The following ZCCHC24 variants were observed in gnomAD, a reference collection of about 807,000 sequenced individuals.
ZCCHC24 encodes the protein zinc finger CCHC domain-containing protein 24.
ZCCHC24 carries 10 observed loss-of-function variants against 26.2 expected under a neutral mutation model. The ratio of observed to expected loss-of-function variants is 0.38; its 90% CI spans 0.24 to 0.65. The LOEUF is 0.65. Among genes scored for constraint, ZCCHC24 ranks in the 30% least tolerant of loss-of-function variants. ZCCHC24 has a pLI of 0.54. For missense variants in ZCCHC24, 243 were observed against 329.1 expected, an observed-to-expected ratio of 0.74 and a Z score of 2.03; for synonymous variants, 144 against 147.1, an observed-to-expected ratio of 0.98 and a Z score of 0.15.
At chr10:79,396,692 C>T (rs1160473275) in intron 2 of ZCCHC24, among the ~76,000 whole-genome samples, 1 of 152,150 alleles carries the variant, frequency 6.6e-6, no homozygotes, top group East Asian at 1.9e-4. Context: ...TAACAAGAGC[C>T]CCAGAGAATT....
chr10:79,406,950 G>A (rs147838544), intron 2 of ZCCHC24, among the ~76,000 whole-genome samples: 2 of 152,310 alleles, frequency 1.3e-5, no homozygotes, highest in African/African-American at 4.8e-5. Flanking sequence ...ACACACCCCA[G>A]TCTCACTACC....
chr10:79,410,103 A>T (rs1343788594), intron 2 of ZCCHC24, among the ~76,000 whole-genome samples: 5 of 152,166 alleles, frequency 3.3e-5, no homozygotes, highest in Non-Finnish European at 5.9e-5. Flanking sequence ...GAGCCTCTGC[A>T]CTTGCTGTTC....
intron 2 of ZCCHC24, among the ~76,000 whole-genome samples, chr10:79,411,577 T>G (rs1455201373): frequency 6.6e-6 from 1 of 152,182 alleles, no homozygotes; most frequent in Non-Finnish European, 1.5e-5. Context: ...CAGGGCTCAG[T>G]GTGCCCAGTA....
chr10:79,430,673 TCACACACACACACCACACACACACACA>T (rs1358711110), intron 2 of ZCCHC24, among the ~76,000 whole-genome samples: 2 of 131,126 alleles, frequency 1.5e-5, no homozygotes, highest in African/African-American at 5.4e-5. Flanking sequence ...GCACATACAC[TCACACACACACACCACACACACACACA>T]CACACACACA....
chr10:79,391,151 G>T (rs571040392), intron 3 of ZCCHC24, among the ~76,000 whole-genome samples: 152 of 152,258 alleles, frequency 1.0e-3, no homozygotes, highest in African/African-American at 3.5e-3. Flanking sequence ...CACACAGTAG[G>T]TGCTCAACAG....
chr10:79,426,933 T>C (rs188996154), intron 2 of ZCCHC24, among the ~76,000 whole-genome samples: 1 of 152,140 alleles, frequency 6.6e-6, no homozygotes, highest in Non-Finnish European at 1.5e-5. Flanking sequence ...ATCAACTATA[T>C]GCTATCTACA....
chr10:79,413,132 G>A (rs1856813686), intron 2 of ZCCHC24, among the ~76,000 whole-genome samples: 1 of 152,240 alleles, frequency 6.6e-6, no homozygotes, highest in African/African-American at 2.4e-5. Flanking sequence ...CAGTGCTGAG[G>A]GGACCAGTGG....
At chr10:79,391,713 C>G (rs1473470726) in intron 3 of ZCCHC24, among the ~76,000 whole-genome samples, 1 of 151,938 alleles carries the variant, frequency 6.6e-6, no homozygotes, top group Non-Finnish European at 1.5e-5. Context: ...AAGCTATCCT[C>G]CGGGCCCCCG....
chr10:79,394,955 TTTACAGATGCATATGAC>T (rs1856525829), intron 2 of ZCCHC24, among the ~76,000 whole-genome samples: 1 of 152,244 alleles, frequency 6.6e-6, no homozygotes. Context: ...GGGCCCTGCA[TTTACAGATGCATATGAC>T]ATGCACATTT....
intron 2 of ZCCHC24, among the ~76,000 whole-genome samples, chr10:79,397,188 T>A (rs1362597764): frequency 6.6e-6 from 1 of 152,218 alleles, no homozygotes. Context: ...CACCCTGATC[T>A]CCTGGGCCCA....
chr10:79,440,719 A>G (rs1418414053), intron 1 of ZCCHC24, among the ~76,000 whole-genome samples: 1 of 152,162 alleles, frequency 6.6e-6, no homozygotes, highest in Non-Finnish European at 1.5e-5. Context: ...ACCACCCAAG[A>G]GCAGAGGACT....
intron 1 of ZCCHC24, among the ~76,000 whole-genome samples, chr10:79,434,386 G>T (rs1857186053): frequency 6.6e-6 from 1 of 152,216 alleles, no homozygotes; most frequent in African/African-American, 2.4e-5. Flanking sequence ...AGTCCACCTT[G>T]AGAAGCAGAG....
chr10:79,399,631 C>T (rs1856603234), intron 2 of ZCCHC24, among the ~76,000 whole-genome samples: 1 of 152,158 alleles, frequency 6.6e-6, no homozygotes, highest in South Asian at 2.1e-4. Flanking sequence ...AGGGAAGGAT[C>T]CTCTGACTTC....
chr10:79,405,010 A>C (rs7083728), intron 2 of ZCCHC24, among the ~76,000 whole-genome samples: 127,265 of 152,202 alleles, frequency 0.84, 53,287 homozygotes, highest in East Asian at 0.92. Flanking sequence ...GGGCTAATGC[A>C]CTGCTCAGGA....
At chr10:79,434,043 T>C (rs747091001) in intron 1 of ZCCHC24, among the ~76,000 whole-genome samples, 44 of 152,200 alleles carry the variant, frequency 2.9e-4, no homozygotes, top group Non-Finnish European at 6.2e-4. Flanking sequence ...GACATGGTCC[T>C]CATCATCTGG....
At chr10:79,435,537 C>G (rs1857204251) in intron 1 of ZCCHC24, among the ~76,000 whole-genome samples, 1 of 152,232 alleles carries the variant, frequency 6.6e-6, no homozygotes, top group Non-Finnish European at 1.5e-5. Context: ...AGCTTCCCCT[C>G]CTCATGGCCT....
chr10:79,435,800 G>A (rs1004027878), intron 1 of ZCCHC24, among the ~76,000 whole-genome samples: 1 of 152,220 alleles, frequency 6.6e-6, no homozygotes, highest in African/African-American at 2.4e-5. Flanking sequence ...GCAGTGAGCT[G>A]CTTCCTCTCT....
rs189221880 is a variant in ZCCHC24 at position 79,416,546 on chromosome 10, C to T, written c.447+16012G>A. Among the ~76,000 whole-genome samples the T allele has an allele frequency of 2.6e-5, 4 of 152,284 alleles. No homozygotes were observed. In the East Asian group the frequency reaches 7.7e-4, roughly 29 times the overall value. On this transcript the variant is annotated intron_variant, in intron 2 of 3. Coordinates refer to ENST00000372336, the MANE Select transcript of ZCCHC24 (RefSeq NM_153367.4). ...TCAAATCCCAGCCATGCCCTTGGCT[C>T]CTGTGTGACTCTGGGCGAATCCCTT...
At chr10:79,398,803 AC>A (rs1466804861) in intron 2 of ZCCHC24, among the ~76,000 whole-genome samples, 1 of 152,002 alleles carries the variant, frequency 6.6e-6, no homozygotes, top group Non-Finnish European at 1.5e-5. Context: ...AGCCCGTCAG[AC>A]CCCCAGCCAA....
Sources: allele counts gnomAD v4.1 joint callset (sites outside exome capture counted in the v4.1 genomes callset), GRCh38; gene constraint gnomAD v4.1.1; transcripts MANE v1.5; gene names NCBI Gene and HGNC (gene_info 2026-07-23, HGNC 2026-07-21).